The following MBTD1 variants were observed in gnomAD, a reference collection of about 807,000 sequenced individuals.
MBTD1 encodes mbt domain containing 1, also known as MBT domain-containing protein 1.
In MBTD1, 24 loss-of-function variants were observed where a neutral mutation model predicts 87.8. The observed-to-expected ratio is 0.27, with a 90% confidence interval of 0.20 to 0.38. The LOEUF (loss-of-function observed/expected upper bound fraction) is 0.38, where lower values mean the gene tolerates loss of function less well. Ranked by LOEUF, MBTD1 falls within the 10% of genes least tolerant of loss-of-function variation. MBTD1 has a pLI of 1.00. For synonymous variants in MBTD1, 237 were observed against 248.6 expected, an observed-to-expected ratio of 0.95 and a Z score of 0.44; for missense variants, 436 against 760.2, an observed-to-expected ratio of 0.57 and a Z score of 5.02.
Position 51,192,337 on chromosome 17 carries a change from C to A in MBTD1, c.1691-57G>T, listed in dbSNP as rs950549203. On this transcript the variant is annotated intron_variant, in intron 15 of 16. Transcript: ENST00000586178. ...ATAATTGTTTACAATTTAGACGATA[C>A]AGTTGTCTAGATACAACTTATATGA... 1.3e-5 allele frequency: 16 copies of A among 1,201,804 alleles called. No individual in the cohort carries two copies. In the South Asian group the frequency reaches 1.8e-4, roughly 14 times the overall value. The allele number at this position is 1,201,804 out of a possible 1,614,324, so 74.4% of individuals were successfully genotyped here. A position where few individuals can be genotyped will look rare whatever the true frequency, so the allele number is the denominator to read the frequency against.
At chr17:51,235,258 CCT>C (rs1160512325) in intron 2 of MBTD1, among the ~76,000 whole-genome samples, 4 of 152,066 alleles carry the variant, frequency 2.6e-5, no homozygotes. Flanking sequence ...GCCTTAGCCT[CCT>C]GAGTAGCTGG....
chr17:51,203,973 TAAAAC>T, intron 7 of MBTD1, 48 bp from the exon 8 acceptor site: 1 of 1,448,746 alleles, frequency 6.9e-7, no homozygotes, highest in Non-Finnish European at 9.5e-7. Context: ...TAAAATTAAA[TAAAAC>T]AATACAGCAT....
intron 16 of MBTD1, among the ~76,000 whole-genome samples, chr17:51,191,112 G>C (rs1443224168): frequency 6.6e-6 from 1 of 152,068 alleles, no homozygotes; most frequent in Non-Finnish European, 1.5e-5. Context: ...AACATTCTAT[G>C]ACAAGTTTTA....
upstream of MBTD1, chr17:51,260,884 G>C (rs775902416): frequency 1.9e-6 from 3 of 1,599,848 alleles, no homozygotes; most frequent in Non-Finnish European, 2.6e-6. Context: ...GCGACGTCGA[G>C]AACGACGAGG....
chr17:51,239,488 CT>C (rs2054042311), intron 2 of MBTD1, among the ~76,000 whole-genome samples: 1 of 152,174 alleles, frequency 6.6e-6, no homozygotes, highest in Non-Finnish European at 1.5e-5. Context: ...AATTATTCCT[CT>C]CTACACGTAT....
At position 51,254,963 on chromosome 17, in the gene MBTD1, C is replaced by G. The variant is rs1342833164; in HGVS notation, c.-49+4180G>C. On this transcript the variant is annotated intron_variant, in intron 2 of 16. Transcript: ENST00000586178. ...GTAGGGCGAATGTGGTCTGAATGAT[C>G]AAACAAGATCATTTATTAGTATGTT... 2.0e-5 allele frequency among the ~76,000 whole-genome samples: 3 copies of G among 152,158 alleles called. No homozygotes were observed. In the East Asian group the frequency reaches 5.8e-4, roughly 29 times the overall value.
intron 7 of MBTD1, among the ~76,000 whole-genome samples, chr17:51,204,818 G>C (rs1194680964): frequency 6.6e-6 from 1 of 152,152 alleles, no homozygotes; most frequent in Non-Finnish European, 1.5e-5. Flanking sequence ...GTATTTCAAA[G>C]AAATTGCTTT....
In MBTD1 at chr17:51,179,630, A is replaced by T. The variant is rs964895362; in HGVS notation, c.*946T>A. Reference sequence around the variant, plus strand: ...GAGCTGGAATGATTTTGAAATCTAAACTTATTTTGGCTTTGAATAACTTTC... The same window carrying T: ...GAGCTGGAATGATTTTGAAATCTAATCTTATTTTGGCTTTGAATAACTTTC... On this transcript the variant is annotated 3_prime_UTR_variant, in exon 17 of 17. Coordinates refer to ENST00000586178, the MANE Select transcript of MBTD1 (RefSeq NM_017643.3). The T allele has an allele frequency of 6.7e-6, 1 of 149,318 alleles. No individual in the cohort carries two copies. Among genetic ancestry groups the T allele is most frequent in the Non-Finnish European group, 1.5e-5 (1 of 67,306 alleles). The allele number at this position is 149,318 out of a possible 1,614,324, so 9.2% of individuals were successfully genotyped here.
chr17:51,238,123 G>C (rs8070578), intron 2 of MBTD1, among the ~76,000 whole-genome samples: 6,345 of 152,132 alleles, frequency 0.042, 441 homozygotes, highest in African/African-American at 0.14. Context: ...GAGTTATAAA[G>C]GAGCATGAGG....
At chr17:51,228,753 C>T (rs1045239317) in intron 2 of MBTD1, among the ~76,000 whole-genome samples, 2 of 151,386 alleles carry the variant, frequency 1.3e-5, no homozygotes, top group Non-Finnish European at 2.9e-5. Flanking sequence ...AAAAATTAGC[C>T]GGGAGCAGTG....
intron 6 of MBTD1, among the ~76,000 whole-genome samples, chr17:51,213,516 C>T (rs1598350066): frequency 6.6e-6 from 1 of 151,142 alleles, no homozygotes; most frequent in Non-Finnish European, 1.5e-5. Flanking sequence ...GATATGGATA[C>T]TGCTCTTAGG....
chr17:51,204,239 C>A (rs1257352654), intron 7 of MBTD1, among the ~76,000 whole-genome samples: 2 of 151,990 alleles, frequency 1.3e-5, no homozygotes, highest in African/African-American at 2.4e-5. Context: ...ACATGTATTT[C>A]AATTGTACCC....
rs1443705596 is a variant in MBTD1, at chr17:51,179,508, A to ATTTATATATATATT, written c.*1067_*1068insAATATATATATAAA. On this transcript the variant is annotated 3_prime_UTR_variant, in exon 17 of 17. Coordinates refer to ENST00000586178, the MANE Select transcript of MBTD1 (RefSeq NM_017643.3). ...TTTATATATATATATATATATATAT[A>ATTTATATATATATT]TATATATATATATATATATATATAT... 3.6e-5 allele frequency: 3 copies of ATTTATATATATATT among 83,816 alleles called. No individual in the cohort carries two copies. The highest frequency in any genetic ancestry group is 3.8e-4 in the South Asian group (1 of 2,662). The allele number at this position is 83,816 out of a possible 1,614,324, so 5.2% of individuals were successfully genotyped here.
At chr17:51,196,963 CCAGA>C (rs1045225319) in intron 12 of MBTD1, among the ~76,000 whole-genome samples, 1 of 148,068 alleles carries the variant, frequency 6.8e-6, no homozygotes, top group East Asian at 2.0e-4. Context: ...CTCTATTCAC[CCAGA>C]CACTCAATTC....
intron 6 of MBTD1, among the ~76,000 whole-genome samples, chr17:51,212,975 G>A (rs1027231026): frequency 6.6e-6 from 1 of 152,142 alleles, no homozygotes; most frequent in African/African-American, 2.4e-5. Flanking sequence ...TGATCCGCCT[G>A]CCTCGGCCTC....
chr17:51,202,504 A>G (rs1465858067), intron 10 of MBTD1, among the ~76,000 whole-genome samples, 197 bp downstream of exon 10: 1 of 152,236 alleles, frequency 6.6e-6, no homozygotes, highest in East Asian at 1.9e-4. Flanking sequence ...CTTCTTTTGG[A>G]GAACAAGTGG....
At chr17:51,250,863 AATCTC>A (rs900092748) in intron 2 of MBTD1, 4 of 152,228 alleles carry the variant, frequency 2.6e-5, no homozygotes, top group Non-Finnish European at 4.4e-5. Flanking sequence ...TCAAAACAAA[AATCTC>A]ATCTCAATTA....
chr17:51,260,435 C>G (rs1368184521), upstream of MBTD1: 151 of 835,376 alleles, frequency 1.8e-4, 3 homozygotes, highest in South Asian at 2.7e-3. Context: ...GCGGGAGTTA[C>G]GTAGAGGGAG....
In MBTD1 at chr17:51,177,942, AAATT is replaced by A. The variant is rs781559438; in HGVS notation, c.*2630_*2633del. The A allele has an allele frequency of 6.6e-6, 1 of 150,576 alleles. No individual in the cohort carries two copies. Among genetic ancestry groups the A allele is most frequent in the Admixed American group, 6.6e-5 (1 of 15,098 alleles). The allele number at this position is 150,576 out of a possible 1,614,324, so 9.3% of individuals were successfully genotyped here. ...TGGGAGAGGGTATTCACATCACGCA[AAATT>A]AATAATAATAATAAAAACAAACAAA... On this transcript the variant is annotated 3_prime_UTR_variant, in exon 17 of 17. Transcript: ENST00000586178.
Sources: allele counts gnomAD v4.1 joint callset (sites outside exome capture counted in the v4.1 genomes callset), GRCh38; gene constraint gnomAD v4.1.1; transcripts MANE v1.5; gene names NCBI Gene and HGNC (gene_info 2026-07-23, HGNC 2026-07-21).